The following FAM167A variants were observed in gnomAD, a reference collection of about 807,000 sequenced individuals.
FAM167A encodes the protein protein FAM167A.
In FAM167A, 23 loss-of-function variants were observed where a neutral mutation model predicts 14.9. That is an observed-to-expected ratio of 1.55 (90% CI 1.11 to 2.19). The LOEUF (loss-of-function observed/expected upper bound fraction) is 2.19. Ranked by LOEUF, FAM167A falls within the 30% of genes most tolerant of loss-of-function variation. The probability of loss-of-function intolerance (pLI) is 0.00; values close to 1 mark genes in which losing one functional copy is unlikely to be tolerated. For missense variants in FAM167A, 401 were observed against 281.5 expected, an observed-to-expected ratio of 1.42 and a Z score of -3.04; for synonymous variants, 174 against 117.7, an observed-to-expected ratio of 1.48 and a Z score of -3.10.
chr8:11,435,007 T>C (rs928013983), intron 2 of FAM167A: 13 of 456,198 alleles, frequency 2.8e-5, no homozygotes, highest in African/African-American at 2.0e-4. Flanking sequence ...TCCCAGCATC[T>C]GGGCCTCCTC....
At chr8:11,432,559 C>T (rs1301208289) in intron 2 of FAM167A, among the ~76,000 whole-genome samples, 3 of 152,156 alleles carry the variant, frequency 2.0e-5, no homozygotes, top group African/African-American at 7.2e-5. Context: ...ATTAAAAAGT[C>T]AGGAAATAAC....
At chr8:11,428,058 C>G (rs1347291086) in intron 2 of FAM167A, among the ~76,000 whole-genome samples, 1 of 152,182 alleles carries the variant, frequency 6.6e-6, no homozygotes, top group Non-Finnish European at 1.5e-5. Flanking sequence ...TCTGTCACTT[C>G]TCTTTGGAGT....
rs376264572 is a variant in FAM167A, at chr8:11,444,242, G to C, written c.170C>G (p.Thr57Ser). 16 of 1,611,802 alleles carry C rather than the reference G, an allele frequency of 9.9e-6. No homozygotes were observed. The highest frequency in any genetic ancestry group is 1.4e-5 in the Non-Finnish European group (16 of 1,179,808). Residue 57 changes from threonine (T) to serine (S), a missense_variant, in exon 2 of 3, where the codon ACC becomes AGC. Coordinates refer to ENST00000284486, the MANE Select transcript of FAM167A (RefSeq NM_053279.3). The part of the protein sequence containing the change: ...LEWQARLEEH[T>S]WPFPRPAAEP... ...CGCAGCCGGCCTCGGGAAGGGCCAG[G>C]TATGCTCCTCCAGCCTGGCCTGCCA...
At chr8:11,464,003 TAGAGA>T (rs1054411372) in intron 1 of FAM167A, among the ~76,000 whole-genome samples, 2 of 152,162 alleles carry the variant, frequency 1.3e-5, no homozygotes, top group Non-Finnish European at 2.9e-5. Flanking sequence ...CAGCTGCTGC[TAGAGA>T]AGAGAGGCCC....
chr8:11,455,312 T>C (rs1807195297), intron 1 of FAM167A, among the ~76,000 whole-genome samples: 1 of 129,820 alleles, frequency 7.7e-6, no homozygotes, highest in Non-Finnish European at 1.6e-5. Flanking sequence ...CTCCTGGGTG[T>C]GTGTGAGTGT....
At chr8:11,451,787 G>T (rs1179208557) in intron 1 of FAM167A, among the ~76,000 whole-genome samples, 1 of 152,220 alleles carries the variant, frequency 6.6e-6, no homozygotes, top group Non-Finnish European at 1.5e-5. Flanking sequence ...TGCAGGGGCG[G>T]TGGCATCCTC....
In FAM167A at chr8:11,421,507, G is replaced by T. The variant is rs1804722023; in HGVS notation, c.*2866C>A. On this transcript the variant is annotated 3_prime_UTR_variant, in exon 3 of 3. Transcript: ENST00000284486. ...TTTTATATGGATATCTTCTTTTGAA[G>T]TATTTTTATTTCACTTTTTCTAACA... 2.6e-6 allele frequency: 1 copy of T among 380,080 alleles called. No homozygotes were observed. Among genetic ancestry groups the T allele is most frequent in the Non-Finnish European group, 4.7e-6 (1 of 214,870 alleles). The allele number at this position is 380,080 out of a possible 1,614,324, so 23.5% of individuals were successfully genotyped here. A position where few individuals can be genotyped will look rare whatever the true frequency, so the allele number is the denominator to read the frequency against.
chr8:11,467,083 G>A (rs980736590), upstream of FAM167A, among the ~76,000 whole-genome samples: 2 of 152,214 alleles, frequency 1.3e-5, no homozygotes, highest in Non-Finnish European at 2.9e-5. Context: ...TGTCCGCATG[G>A]AGGGCGCAGG....
At position 11,444,334 on chromosome 8, in the gene FAM167A, G is replaced by A; in HGVS notation, c.78C>T (p.His26=). The A allele has an allele frequency of 1.2e-6, 2 of 1,610,268 alleles. No homozygotes were observed. Among genetic ancestry groups the A allele is most frequent in the South Asian group, 1.1e-5 (1 of 90,924 alleles). Residue 26 remains histidine (H), a synonymous_variant, in exon 2 of 3, where the codon CAC becomes CAT. Coordinates refer to ENST00000284486, the MANE Select transcript of FAM167A (RefSeq NM_053279.3). ...CGGTGAGGGCCTTCAGGCTCCGGAG[G>A]TGGTCATCGGGTGGTGCGGCTGCTC... The part of the protein sequence containing the change: ...GAGAAAPPDD[H]LRSLKALTEK...
intron 2 of FAM167A, among the ~76,000 whole-genome samples, chr8:11,429,093 G>A (rs1018538575): frequency 6.6e-6 from 1 of 152,024 alleles, no homozygotes; most frequent in Admixed American, 6.6e-5. Context: ...GTTCTAAACA[G>A]AAACTGCATC....
upstream of FAM167A, among the ~76,000 whole-genome samples, chr8:11,470,753 G>T (rs926418935): frequency 5.9e-5 from 9 of 152,164 alleles, no homozygotes; most frequent in African/African-American, 2.2e-4. Context: ...GCTCCAGGCA[G>T]CAATGAAGAC....
intron 2 of FAM167A, among the ~76,000 whole-genome samples, chr8:11,427,404 G>A (rs140937874): frequency 1.3e-5 from 2 of 152,146 alleles, no homozygotes; most frequent in African/African-American, 4.8e-5. Context: ...TACTTGACTC[G>A]AGATCTGAAT....
chr8:11,424,392 CGA>C lies in FAM167A; in HGVS notation c.624_625del (p.Arg209GlufsTer145). ...GGCTCCTCAGCAGAGAGAGAACCTC[CGA>C]GAGTTGATGTTCATCTTGGTCACGC... On this transcript the variant is annotated frameshift_variant, in exon 3 of 3. Coordinates refer to ENST00000284486, the MANE Select transcript of FAM167A (RefSeq NM_053279.3). LOFTEE classifies it high-confidence loss of function. The C allele has an allele frequency of 6.2e-7, 1 of 1,614,084 alleles. No homozygotes were observed. The highest frequency in any genetic ancestry group is 8.5e-7 in the Non-Finnish European group (1 of 1,180,006).
upstream of FAM167A, among the ~76,000 whole-genome samples, chr8:11,469,180 C>G (rs1474258174): frequency 6.7e-6 from 1 of 149,944 alleles, no homozygotes; most frequent in African/African-American, 2.4e-5. Context: ...ATATCTAATT[C>G]ATATGTATGC....
At chr8:11,462,603 C>T (rs936373441) in intron 1 of FAM167A, among the ~76,000 whole-genome samples, 6 of 149,818 alleles carry the variant, frequency 4.0e-5, no homozygotes, top group African/African-American at 1.5e-4. Context: ...CCAGACTGCA[C>T]GCTCCCTGAG....
intron 2 of FAM167A, among the ~76,000 whole-genome samples, chr8:11,441,531 T>C (rs1163213910): frequency 6.6e-6 from 1 of 152,224 alleles, no homozygotes; most frequent in African/African-American, 2.4e-5. Flanking sequence ...TTCTGGAGCA[T>C]GCATCTCCTT....
At chr8:11,450,166 G>A (rs1206489530) in intron 1 of FAM167A, among the ~76,000 whole-genome samples, 1 of 152,194 alleles carries the variant, frequency 6.6e-6, no homozygotes, top group East Asian at 1.9e-4. Flanking sequence ...AGCCTGGAAA[G>A]CCCTTCACTC....
At chr8:11,451,198 G>A (rs1030780107) in intron 1 of FAM167A, among the ~76,000 whole-genome samples, 2 of 152,224 alleles carry the variant, frequency 1.3e-5, no homozygotes, top group South Asian at 2.1e-4. Context: ...GGCCGGGGCC[G>A]CTGGGGCCAC....
chr8:11,463,822 A>G (rs890863515), intron 1 of FAM167A, among the ~76,000 whole-genome samples: 4 of 152,156 alleles, frequency 2.6e-5, no homozygotes, highest in African/African-American at 7.2e-5. Context: ...GGGGAGGAGG[A>G]TCACACTTAT....
Sources: allele counts gnomAD v4.1 joint callset (sites outside exome capture counted in the v4.1 genomes callset), GRCh38; gene constraint gnomAD v4.1.1; transcripts MANE v1.5; gene names NCBI Gene and HGNC (gene_info 2026-07-23, HGNC 2026-07-21).